The following APCDD1 variants were observed in gnomAD, a reference collection of about 807,000 sequenced individuals.
APCDD1 encodes APC down-regulated 1.
In APCDD1, 15 loss-of-function variants were observed where a neutral mutation model predicts 38.1. The observed-to-expected ratio is 0.39, with a 90% CI of 0.26 to 0.61. APCDD1 has a LOEUF of 0.61. Among genes scored for constraint, APCDD1 ranks in the 20% least tolerant of loss-of-function variants. The pLI is 0.49. For synonymous variants in APCDD1, 261 were observed against 279.7 expected (o/e 0.93, Z 0.67); for missense variants, 647 against 696.2 (o/e 0.93, Z 0.79).
At chr18:10,456,950 T>C (rs1160696221) in intron 1 of APCDD1, among the ~76,000 whole-genome samples, 1 of 152,200 alleles carries the variant, frequency 6.6e-6, no homozygotes, top group Non-Finnish European at 1.5e-5. Flanking sequence ...CGTGCTGGTA[T>C]GTGTGTATGC....
intron 3 of APCDD1, among the ~76,000 whole-genome samples, chr18:10,482,192 C>A (rs2031157390): frequency 6.6e-6 from 1 of 152,140 alleles, no homozygotes; most frequent in African/African-American, 2.4e-5. Context: ...CTGAATTGAT[C>A]CTGGTATTTG....
chr18:10,454,871 C>G lies in APCDD1; in HGVS notation c.-111C>G. ...GGGCGCGCGGCAGCCGCCTGAAGCC[C>G]CGGCCTGGCCCGGCCGCACCCGGCC... On this transcript the variant is annotated 5_prime_UTR_variant, in exon 1 of 5. Transcript: ENST00000355285. The G allele has an allele frequency of 1.7e-6, 2 of 1,182,712 alleles. No homozygotes were observed. The highest frequency in any genetic ancestry group is 2.1e-6 in the Non-Finnish European group (2 of 951,570). The allele number at this position is 1,182,712 out of a possible 1,614,324, so 73.3% of individuals were successfully genotyped here.
rs147129378 is a variant in APCDD1 at position 10,456,484 on chromosome 18, A to G, written c.58+1445A>G. On this transcript the variant is annotated intron_variant, in intron 1 of 4. Coordinates refer to ENST00000355285, the MANE Select transcript of APCDD1 (RefSeq NM_153000.5). The stretch of plus-strand genomic sequence containing the variant: ...TCCCCCTTAAAAAAATTGTTGTAAT[A>G]TCTGTGAAGAAAAAAGATAGTATGG... Among the ~76,000 whole-genome samples, 1,492 of 152,336 alleles carry G rather than the reference A, an allele frequency of 9.8e-3. 97 individuals carry two copies. Among genetic ancestry groups the G allele is most frequent in the Admixed American group, 0.093 (1,422 of 15,304 alleles).
chr18:10,469,915 G>A lies in APCDD1; in HGVS notation c.242+1263G>A, dbSNP rs2030811008. ...AGCCTCACATGAGGCTGCTGGGGAG[G>A]GTAGGCCAGCTCTAAGGCATCTTGC... On this transcript the variant is annotated intron_variant, in intron 2 of 4. Transcript: ENST00000355285. This position sits in a 1 kb window ranked among gnomAD's most constrained non-coding sequence, Gnocchi z 5.5. Among the ~76,000 whole-genome samples, 2 of 152,164 alleles carry A rather than the reference G, an allele frequency of 1.3e-5. No homozygotes were observed. Among genetic ancestry groups the A allele is most frequent in the Non-Finnish European group, 2.9e-5 (2 of 68,032 alleles).
chr18:10,462,159 T>TG (rs148081881), intron 1 of APCDD1, among the ~76,000 whole-genome samples: 3,669 of 151,676 alleles, frequency 0.024, 135 homozygotes, highest in African/African-American at 0.081. Context: ...TCCAATTAAG[T>TG]GGGGGGGGCT....
At chr18:10,458,491 TAAAA>T (rs1328944859) in intron 1 of APCDD1, among the ~76,000 whole-genome samples, 2 of 152,092 alleles carry the variant, frequency 1.3e-5, no homozygotes, top group Non-Finnish European at 2.9e-5. Flanking sequence ...CTCTTAGTCA[TAAAA>T]AGAAAATGAA....
chr18:10,463,226 C>A (rs2143517921), intron 1 of APCDD1, among the ~76,000 whole-genome samples: 1 of 152,174 alleles, frequency 6.6e-6, no homozygotes, highest in East Asian at 1.9e-4. Context: ...CTCCATGAGC[C>A]CTCAAGGAAG....
At chr18:10,457,088 G>A (rs144487870) in intron 1 of APCDD1, among the ~76,000 whole-genome samples, 1 of 152,300 alleles carries the variant, frequency 6.6e-6, no homozygotes, top group African/African-American at 2.4e-5. Flanking sequence ...AATCTGCAAT[G>A]GCACAATTAT....
In APCDD1 at chr18:10,459,704, T is replaced by C. The variant is rs539778633; in HGVS notation, c.58+4665T>C. Among the ~76,000 whole-genome samples, 50 of 152,320 alleles carry C rather than the reference T, an allele frequency of 3.3e-4. 2 individuals carry two copies. The South Asian group carries it at 0.01, about 31-fold the overall frequency. The stretch of plus-strand genomic sequence containing the variant: ...CATACATGCTTTTATTTCAAAAAAA[T>C]GGAAACCTGTGCTGGAGTTTATCTA... On this transcript the variant is annotated intron_variant, in intron 1 of 4. Coordinates refer to ENST00000355285, the MANE Select transcript of APCDD1 (RefSeq NM_153000.5).
At chr18:10,459,316 G>GCACACACACACACACA (rs56849201) in intron 1 of APCDD1, among the ~76,000 whole-genome samples, 17 of 150,146 alleles carry the variant, frequency 1.1e-4, no homozygotes, top group African/African-American at 3.9e-4. Context: ...CCACAAGCGT[G>GCACACACACACACACA]CACACACACA....
intron 4 of APCDD1, among the ~76,000 whole-genome samples, chr18:10,486,897 TC>T (rs1203129055): frequency 6.6e-6 from 1 of 152,184 alleles, no homozygotes; most frequent in Non-Finnish European, 1.5e-5. Context: ...CAAGGTTTGC[TC>T]CAGGAATACA....
rs2030972016 is a variant in APCDD1, at chr18:10,475,619, G to T, written c.774+3558G>T. On this transcript the variant is annotated intron_variant, in intron 3 of 4. Coordinates refer to ENST00000355285, the MANE Select transcript of APCDD1 (RefSeq NM_153000.5). The surrounding 1 kb of genome is among the most constrained non-coding windows in gnomAD (Gnocchi z 4.0). ...TGGTACCTGTTGCATTTTGTGCTGT[G>T]ATCTTCTATTACCTAAGCACAGTCA... Among the ~76,000 whole-genome samples, 1 of 151,180 alleles carries T rather than the reference G, an allele frequency of 6.6e-6. No individual in the cohort carries two copies. Among genetic ancestry groups the T allele is most frequent in the African/African-American group, 2.4e-5 (1 of 41,050 alleles).
At position 10,454,642 on chromosome 18, in the gene APCDD1, CGCTGCA is replaced by C. The variant is rs1356977227; in HGVS notation, c.-334_-329del. The C allele has an allele frequency of 7.5e-6, 8 of 1,060,444 alleles. No individual in the cohort carries two copies. Among genetic ancestry groups the C allele is most frequent in the Non-Finnish European group, 9.1e-6 (8 of 874,606 alleles). The allele number at this position is 1,060,444 out of a possible 1,614,324, so 65.7% of individuals were successfully genotyped here. Reference sequence around the variant, plus strand: ...GCGGCGCGCTGGAAATATGAAGAGACGCTGCAGCTGCGGTGGCGGTGGCGGCCACTG... The same window carrying C: ...GCGGCGCGCTGGAAATATGAAGAGACGCTGCGGTGGCGGTGGCGGCCACTG... On this transcript the variant is annotated 5_prime_UTR_variant, in exon 1 of 5. Coordinates refer to ENST00000355285, the MANE Select transcript of APCDD1 (RefSeq NM_153000.5).
In APCDD1 at chr18:10,488,581, A is replaced by T. The variant is rs2031305001; in HGVS notation, c.*543A>T. On this transcript the variant is annotated 3_prime_UTR_variant, in exon 5 of 5. Transcript: ENST00000355285. ...TAGATATGTATATACAAAAAGATGT[A>T]CGGTCTGGCCAAACCACCTTCCCAG... 6.6e-6 allele frequency: 1 copy of T among 152,494 alleles called. No homozygotes were observed. The highest frequency in any genetic ancestry group is 2.4e-5 in the African/African-American group (1 of 41,356). The allele number at this position is 152,494 out of a possible 1,614,324, so 9.4% of individuals were successfully genotyped here.
chr18:10,454,664 GC>G lies in APCDD1; in HGVS notation c.-317del. The G allele has an allele frequency of 9.7e-7, 1 of 1,030,042 alleles. No homozygotes were observed. The highest frequency in any genetic ancestry group is 1.2e-6 in the Non-Finnish European group (1 of 860,746). 63.8% of individuals were successfully genotyped at this position (1,030,042 alleles called of 1,614,324 possible). On this transcript the variant is annotated 5_prime_UTR_variant, in exon 1 of 5. Coordinates refer to ENST00000355285, the MANE Select transcript of APCDD1 (RefSeq NM_153000.5). ...AGACGCTGCAGCTGCGGTGGCGGTGGCGGCCACTGCAGCTCAGAGCGGCGCA... is the reference window on the plus strand; with the variant it reads ...AGACGCTGCAGCTGCGGTGGCGGTGGGGCCACTGCAGCTCAGAGCGGCGCA...
rs1370106960 is a variant in APCDD1 at position 10,471,710 on chromosome 18, G to A, written c.423G>A (p.Thr141=). 1.4e-5 allele frequency: 23 copies of A among 1,614,018 alleles called. No homozygotes were observed. The highest frequency in any genetic ancestry group is 8.9e-5 in the East Asian group (4 of 44,900). ...CCTCCTGGATCATCCGAGGGGGCAC[G>A]GAAGCCGACTACCAGCTGCACAACG... is the stretch of plus-strand genomic sequence containing the variant. The part of the protein sequence containing the change: ...RQASWIIRGG[T]EADYQLHNVQ... Residue 141 remains threonine, a synonymous_variant, in exon 3 of 5, where the codon ACG becomes ACA. Transcript: ENST00000355285. This position sits in a 1 kb window ranked among gnomAD's most constrained non-coding sequence, Gnocchi z 5.5.
rs200405895 is a variant in APCDD1, at chr18:10,471,792, C to T, written c.505C>T (p.Arg169Cys). ...VAEKLGQQVN[R>C]TCPGFLADGG... ...CGAGAAGCTCGGCCAGCAGGTGAAC[C>T]GCACATGCCCGGGCTTCCTCGCAGA... Residue 169 changes from arginine (R) to cysteine (C), a missense_variant, in exon 3 of 5, where the codon CGC (arginine) becomes TGC (cysteine). Transcript: ENST00000355285. The surrounding 1 kb of genome is among the most constrained non-coding windows in gnomAD (Gnocchi z 5.5). 3.9e-4 allele frequency: 625 copies of T among 1,613,266 alleles called. No individual in the cohort carries two copies. Among genetic ancestry groups the T allele is most frequent in the Non-Finnish European group, 5.0e-4 (587 of 1,179,488 alleles).
intron 4 of APCDD1, among the ~76,000 whole-genome samples, chr18:10,487,349 G>C (rs561945933): frequency 1.3e-5 from 2 of 152,312 alleles, no homozygotes; most frequent in Admixed American, 6.5e-5. Flanking sequence ...CAGATGGTCT[G>C]TGTTGCATGG....
chr18:10,468,029 T>C (rs141877490), intron 1 of APCDD1, among the ~76,000 whole-genome samples: 190 of 152,312 alleles, frequency 1.2e-3, no homozygotes, highest in African/African-American at 4.2e-3. Flanking sequence ...TTCACCCTTA[T>C]TGATGACACC....
Sources: allele counts gnomAD v4.1 joint callset (sites outside exome capture counted in the v4.1 genomes callset), GRCh38; gene constraint gnomAD v4.1.1; non-coding constraint Gnocchi (gnomAD v3.1); transcripts MANE v1.5; gene names NCBI Gene and HGNC (gene_info 2026-07-23, HGNC 2026-07-21).